IRAK1BP1: variants seen among roughly 807,000 people sequenced by gnomAD.
The protein encoded by IRAK1BP1 is interleukin-1 receptor-associated kinase 1-binding protein 1.
Under a neutral mutation model 28.0 loss-of-function variants are expected in IRAK1BP1, and 24 were observed. The observed-to-expected ratio is 0.86, with a 90% CI of 0.62 to 1.20. The LOEUF (loss-of-function observed/expected upper bound fraction) is 1.20. Ranked by LOEUF, IRAK1BP1 falls within the 50% of genes most tolerant of loss-of-function variation. The pLI, the probability that IRAK1BP1 is intolerant of heterozygous loss-of-function variation, is 0.00. For synonymous variants in IRAK1BP1, 131 were observed against 116.3 expected (o/e 1.13, Z -0.81); for missense variants, 336 against 316.7 (o/e 1.06, Z -0.46).
Position 78,899,583 on chromosome 6 carries a change from A to C in IRAK1BP1, c.*1249A>C, listed in dbSNP as rs1338477510. Reference sequence around the variant, plus strand: ...AATTTCCTAGTGCACATGTTTTTTTATTTTTCTTTTTCGAGATGGAGTCTT... The same window carrying C: ...AATTTCCTAGTGCACATGTTTTTTTCTTTTTCTTTTTCGAGATGGAGTCTT... On this transcript the variant is annotated 3_prime_UTR_variant, in exon 4 of 4. Coordinates refer to ENST00000369940, the MANE Select transcript of IRAK1BP1 (RefSeq NM_001010844.4). 6.6e-6 allele frequency: 1 copy of C among 151,932 alleles called. No homozygotes were observed. Among genetic ancestry groups the C allele is most frequent in the Non-Finnish European group, 1.5e-5 (1 of 67,980 alleles). The allele number at this position is 151,932 out of a possible 1,614,324, so 9.4% of individuals were successfully genotyped here. A position where few individuals can be genotyped will look rare whatever the true frequency, so the allele number is the denominator to read the frequency against.
At chr6:78,921,593 C>T (rs1772729820) in intron 4 of IRAK1BP1, among the ~76,000 whole-genome samples, 1 of 152,204 alleles carries the variant, frequency 6.6e-6, no homozygotes, top group Non-Finnish European at 1.5e-5. Context: ...TCCCAGCACA[C>T]AGCTGGAGAT....
chr6:78,914,574 GTTGA>G (rs1438790731), intron 4 of IRAK1BP1, among the ~76,000 whole-genome samples: 3 of 152,010 alleles, frequency 2.0e-5, no homozygotes, highest in Non-Finnish European at 4.4e-5. Context: ...TATTTTTTTG[GTTGA>G]TTATCTCTTT....
chr6:78,955,516 A>G, the IRAK1BP1 span: 1 of 572,402 alleles, frequency 1.7e-6, no homozygotes. Flanking sequence ...CTAGACAAAA[A>G]ATAATGTTCA....
chr6:78,910,788 C>T (rs987644359), intron 4 of IRAK1BP1, among the ~76,000 whole-genome samples: 3 of 152,246 alleles, frequency 2.0e-5, no homozygotes, highest in Non-Finnish European at 4.4e-5. Context: ...CGCACACCCT[C>T]CCGACCTCCG....
chr6:78,910,622 A>T (rs1354109268), intron 4 of IRAK1BP1, among the ~76,000 whole-genome samples: 1 of 152,262 alleles, frequency 6.6e-6, no homozygotes, highest in Non-Finnish European at 1.5e-5. Flanking sequence ...CCCGGGCAGA[A>T]GGGCGCATTC....
At chr6:78,942,998 A>T (rs1773581144) in intron 4 of IRAK1BP1, among the ~76,000 whole-genome samples, 1 of 152,194 alleles carries the variant, frequency 6.6e-6, no homozygotes, top group African/African-American at 2.4e-5. Context: ...GGCACATGAA[A>T]AGTTATGCAG....
intron 1 of IRAK1BP1, among the ~76,000 whole-genome samples, chr6:78,879,988 A>G (rs1771165459): frequency 6.6e-6 from 1 of 152,260 alleles, no homozygotes; most frequent in Non-Finnish European, 1.5e-5. Context: ...GCCCAGCACA[A>G]GCTCTGAAAG....
At chr6:78,959,491 T>C in the IRAK1BP1 span, among the ~76,000 whole-genome samples, 1 of 152,216 alleles carries the variant, frequency 6.6e-6, no homozygotes, top group African/African-American at 2.4e-5. Context: ...CTGACAGTAA[T>C]AGTTTAACAA....
intron 1 of IRAK1BP1, among the ~76,000 whole-genome samples, chr6:78,879,664 A>C (rs1169059046): frequency 1.3e-5 from 2 of 152,238 alleles, no homozygotes; most frequent in African/African-American, 4.8e-5. Context: ...GAGAGTCACC[A>C]AGAAAACACA....
chr6:78,941,083 G>C, intron 4 of IRAK1BP1: 1 of 1,613,976 alleles, frequency 6.2e-7, no homozygotes, highest in Non-Finnish European at 8.5e-7. Flanking sequence ...AAAGAAAATT[G>C]CATGTTGAAG....
At chr6:78,961,701 G>A in the IRAK1BP1 span, 1 of 1,612,060 alleles carries the variant, frequency 6.2e-7, no homozygotes, top group Non-Finnish European at 8.5e-7. Context: ...TGTAAAACCT[G>A]TTTTCCAGTC....
chr6:78,970,713 T>C, the IRAK1BP1 span: 2 of 995,998 alleles, frequency 2.0e-6, no homozygotes, highest in Admixed American at 4.6e-5. Flanking sequence ...TAGTAACCTT[T>C]GATACAATTT....
chr6:78,966,774 G>A, the IRAK1BP1 span, among the ~76,000 whole-genome samples: 2 of 152,158 alleles, frequency 1.3e-5, no homozygotes, highest in Admixed American at 1.3e-4. Flanking sequence ...TAAGAAAACT[G>A]TAAGTCACTT....
At chr6:78,874,118 G>A (rs568982477) in intron 1 of IRAK1BP1, among the ~76,000 whole-genome samples, 1 of 152,186 alleles carries the variant, frequency 6.6e-6, no homozygotes, top group African/African-American at 2.4e-5. Flanking sequence ...AGCTTAAAAA[G>A]AAAAACAATA....
the IRAK1BP1 span, among the ~76,000 whole-genome samples, chr6:78,964,085 C>T: frequency 1.3e-5 from 2 of 152,170 alleles, no homozygotes; most frequent in Admixed American, 1.3e-4. Context: ...ATATTCACAA[C>T]AGTTCAATGT....
the IRAK1BP1 span, among the ~76,000 whole-genome samples, chr6:78,972,000 G>A: frequency 6.6e-6 from 1 of 152,076 alleles, no homozygotes; most frequent in African/African-American, 2.4e-5. Flanking sequence ...AAGCAGCCGG[G>A]AAGCTCGAAC....
the IRAK1BP1 span, chr6:78,970,196 G>A: frequency 6.3e-7 from 1 of 1,599,374 alleles, no homozygotes; most frequent in African/African-American, 1.3e-5. Flanking sequence ...GAGAATATAA[G>A]GAACCATCTT....
At chr6:78,920,397 A>G (rs565920615) in intron 4 of IRAK1BP1, among the ~76,000 whole-genome samples, 8 of 152,370 alleles carry the variant, frequency 5.3e-5, no homozygotes, top group East Asian at 1.9e-4. Context: ...GGCTACAGTA[A>G]CCAAAATAGG....
chr6:78,893,170 A>G (rs1017222927), intron 2 of IRAK1BP1, among the ~76,000 whole-genome samples: 51 of 151,804 alleles, frequency 3.4e-4, no homozygotes, highest in Admixed American at 2.7e-3. Flanking sequence ...AGGAGAAAAA[A>G]GACATATTAT....
Sources: allele counts gnomAD v4.1 joint callset (sites outside exome capture counted in the v4.1 genomes callset), GRCh38; gene constraint gnomAD v4.1.1; transcripts MANE v1.5; gene names NCBI Gene and HGNC (gene_info 2026-07-23, HGNC 2026-07-21).